EPC2: variants seen among roughly 807,000 people sequenced by gnomAD.
EPC2 encodes the protein enhancer of polycomb 2, also known as enhancer of polycomb homolog 2.
Under a neutral mutation model 92.1 loss-of-function variants are expected in EPC2, and 14 were observed. The observed-to-expected ratio is 0.15, with a 90% confidence interval of 0.10 to 0.24. The LOEUF (loss-of-function observed/expected upper bound fraction) is 0.24, where lower values mean the gene tolerates loss of function less well. Among genes scored for constraint, EPC2 ranks in the 10% least tolerant of loss-of-function variants. EPC2 has a pLI of 1.00. For missense variants in EPC2, 755 were observed against 971.5 expected (o/e 0.78, Z 2.96); for synonymous variants, 340 against 334.7 (o/e 1.02, Z -0.17).
At position 148,771,108 on chromosome 2, in the gene EPC2, C is replaced by T. The variant is rs1481117725; in HGVS notation, c.1441C>T (p.Leu481=). 5.0e-6 allele frequency: 8 copies of T among 1,613,574 alleles called. No individual in the cohort carries two copies. In the South Asian group the frequency reaches 8.8e-5, roughly 18 times the overall value. Residue 481 remains leucine, a synonymous_variant, in exon 10 of 14, where the codon CTG becomes TTG. Transcript: ENST00000258484. ...CCTGAAACAGATAGACCCTGAAATGCTGAATAGTTTTTCAAGCTCTTCCCA... is the reference window on the plus strand; with the variant it reads ...CCTGAAACAGATAGACCCTGAAATGTTGAATAGTTTTTCAAGCTCTTCCCA... ...PVLKQIDPEM[L]NSFSSSSQTI...
At chr2:148,652,888 A>G (rs1680715434) in intron 1 of EPC2, among the ~76,000 whole-genome samples, 1 of 152,092 alleles carries the variant, frequency 6.6e-6, no homozygotes, top group African/African-American at 2.4e-5. Context: ...AATTTTCTTC[A>G]CTTTACTAGG....
intron 1 of EPC2, among the ~76,000 whole-genome samples, chr2:148,665,216 ATTATCTGTATGGG>A (rs1681034142): frequency 6.6e-6 from 1 of 152,184 alleles, no homozygotes. Flanking sequence ...GTATCTTGGA[ATTATCTGTATGGG>A]TTATCTGTCT....
chr2:148,689,622 A>G (rs1054720973), intron 1 of EPC2, among the ~76,000 whole-genome samples: 6 of 152,130 alleles, frequency 3.9e-5, no homozygotes, highest in African/African-American at 1.4e-4. Context: ...AAGGAGGGAA[A>G]ATTCTATTTA....
intron 1 of EPC2, among the ~76,000 whole-genome samples, chr2:148,668,449 C>T (rs1366981189): frequency 1.3e-5 from 2 of 151,928 alleles, no homozygotes; most frequent in Non-Finnish European, 2.9e-5. Flanking sequence ...TCATACTGGC[C>T]TCGTGGAATG....
chr2:148,651,761 G>T (rs1680690456), intron 1 of EPC2, among the ~76,000 whole-genome samples: 1 of 152,200 alleles, frequency 6.6e-6, no homozygotes, highest in Admixed American at 6.5e-5. Flanking sequence ...TTGAGTGTTT[G>T]AGCATGTGCC....
intron 2 of EPC2, among the ~76,000 whole-genome samples, chr2:148,705,881 C>T (rs879225490): frequency 6.6e-6 from 1 of 152,174 alleles, no homozygotes; most frequent in Non-Finnish European, 1.5e-5. Flanking sequence ...GATAAAACCA[C>T]AAAGATGGGG....
intron 2 of EPC2, among the ~76,000 whole-genome samples, chr2:148,705,484 C>T (rs77449961): frequency 1.3e-5 from 2 of 152,270 alleles, no homozygotes; most frequent in South Asian, 2.1e-4. Context: ...GTGGCTCTCC[C>T]AGCACGGTGT....
chr2:148,719,142 T>C (rs1265781032), intron 2 of EPC2, among the ~76,000 whole-genome samples: 2 of 152,166 alleles, frequency 1.3e-5, no homozygotes, highest in African/African-American at 4.8e-5. Context: ...AGCTCCTGTA[T>C]AGTTTTAACA....
At chr2:148,712,240 TGGGG>T (rs138310494) in intron 2 of EPC2, among the ~76,000 whole-genome samples, 3 of 151,096 alleles carry the variant, frequency 2.0e-5, no homozygotes, top group African/African-American at 7.3e-5. Context: ...TTTGTGTGTG[TGGGG>T]GTGTGTGTGT....
At chr2:148,734,644 TATTTC>T (rs1313157018) in intron 2 of EPC2, among the ~76,000 whole-genome samples, 1 of 152,096 alleles carries the variant, frequency 6.6e-6, no homozygotes, top group African/African-American at 2.4e-5. Context: ...ATGCACAAAT[TATTTC>T]ATTTAATTTC....
Position 148,765,009 on chromosome 2 carries a change from A to C in EPC2, c.1003A>C (p.Lys335Gln). ...EEASDVVRQK[K>Q]KYPKKPKAEA... ...GGCTTCTGATGTGGTTCGTCAAAAG[A>C]AGAAGTACCCAAAGAAGCCTAAAGC... The change falls in exon 7 of 14, where the codon AAG becomes CAG. Residue 335 changes from lysine to glutamine, a missense_variant. Around this residue, in one of 4 missense-constraint regions of EPC2, gnomAD observed 509 missense variants for 607.7 expected, o/e 0.84. Transcript: ENST00000258484. The C allele has an allele frequency of 1.9e-6, 3 of 1,605,126 alleles. No individual in the cohort carries two copies. Among genetic ancestry groups the C allele is most frequent in the Non-Finnish European group, 2.6e-6 (3 of 1,175,360 alleles).
At chr2:148,685,370 A>G (rs1468984438) in intron 1 of EPC2, among the ~76,000 whole-genome samples, 1 of 152,144 alleles carries the variant, frequency 6.6e-6, no homozygotes, top group African/African-American at 2.4e-5. Flanking sequence ...GTTTAGATAT[A>G]TACAGATATT....
chr2:148,774,987 G>A (rs1488260701), intron 10 of EPC2, among the ~76,000 whole-genome samples: 2 of 151,656 alleles, frequency 1.3e-5, no homozygotes, highest in African/African-American at 4.8e-5. Flanking sequence ...TACTGGGGAG[G>A]TTGAGGCAGG....
chr2:148,769,270 T>G (rs745544542), intron 8 of EPC2, 30 bp downstream of exon 8: 1 of 1,512,084 alleles, frequency 6.6e-7, no homozygotes, highest in Non-Finnish European at 9.1e-7. Context: ...TGTGGTGTTT[T>G]TGTGAACTGG....
intron 2 of EPC2, among the ~76,000 whole-genome samples, chr2:148,712,433 A>G (rs1248350866): frequency 1.3e-5 from 2 of 152,026 alleles, no homozygotes; most frequent in Non-Finnish European, 2.9e-5. Context: ...ACACACAGAC[A>G]ATGTGCCACA....
At chr2:148,749,710 G>A (rs1241346040) in intron 3 of EPC2, among the ~76,000 whole-genome samples, 2 of 151,940 alleles carry the variant, frequency 1.3e-5, no homozygotes, top group Non-Finnish European at 2.9e-5. Flanking sequence ...AAGTATTTGT[G>A]TATTAAAAAT....
chr2:148,757,469 T>C (rs1683214543), intron 4 of EPC2, among the ~76,000 whole-genome samples: 1 of 152,224 alleles, frequency 6.6e-6, no homozygotes, highest in Non-Finnish European at 1.5e-5. Context: ...TTCCTAGCTC[T>C]GTTCACTGAG....
intron 2 of EPC2, among the ~76,000 whole-genome samples, chr2:148,698,108 G>A (rs906160552): frequency 1.3e-5 from 2 of 152,084 alleles, no homozygotes; most frequent in African/African-American, 4.8e-5. Context: ...AGCAAGTGAT[G>A]TAAAGAATGA....
chr2:148,723,209 A>T (rs1682419498), intron 2 of EPC2, among the ~76,000 whole-genome samples: 1 of 152,234 alleles, frequency 6.6e-6, no homozygotes. Flanking sequence ...TACTCTGATA[A>T]AATTGTTTCT....
Sources: allele counts gnomAD v4.1 joint callset (sites outside exome capture counted in the v4.1 genomes callset), GRCh38; gene constraint gnomAD v4.1.1; regional missense constraint gnomAD v4.1.1; transcripts MANE v1.5; gene names NCBI Gene and HGNC (gene_info 2026-07-23, HGNC 2026-07-21).